Variants in RNF216 observed in about 807,000 individuals in gnomAD.
The protein encoded by RNF216 is E3 ubiquitin-protein ligase RNF216.
Under a neutral mutation model 110.8 loss-of-function variants are expected in RNF216, and 72 were observed. The observed-to-expected ratio is 0.65, with a 90% CI of 0.54 to 0.79. The LOEUF (loss-of-function observed/expected upper bound fraction) is 0.79. Among genes scored for constraint, RNF216 ranks in the 30% least tolerant of loss-of-function variants. RNF216 has a pLI of 0.00. For synonymous variants in RNF216, 495 were observed against 407.5 expected, an observed-to-expected ratio of 1.21 and a Z score of -2.59; for missense variants, 1,342 against 1,141.2, an observed-to-expected ratio of 1.18 and a Z score of -2.54.
chr7:5,732,834 G>A (rs1409273822), intron 5 of RNF216: 1 of 152,232 alleles, frequency 6.6e-6, no homozygotes, highest in Non-Finnish European at 1.5e-5. Context: ...AGCAGTTCTA[G>A]AGAAGTCACT....
chr7:5,688,162 G>A (rs987705938), intron 13 of RNF216, among the ~76,000 whole-genome samples: 3 of 152,156 alleles, frequency 2.0e-5, no homozygotes, highest in Admixed American at 6.5e-5. Flanking sequence ...TTCACGCACA[G>A]AACTGTGTAA....
rs1171766763 is a variant in RNF216, at chr7:5,712,772, T to C, written c.1925A>G (p.Tyr642Cys). The change falls in exon 12 of 17, where the codon TAC becomes TGC. Residue 642 changes from tyrosine to cysteine, a missense_variant. Tyr to Cys is a radical substitution (Grantham distance 194, BLOSUM62 -2). Coordinates refer to ENST00000389902, the MANE Select transcript of RNF216 (RefSeq NM_207111.4). ...CTCCTCCTCGGCTTTTCGCTCATAGTACTTATACAGGATGGTCTGGGGGAG... is the reference window on the plus strand; with the variant it reads ...CTCCTCCTCGGCTTTTCGCTCATAGCACTTATACAGGATGGTCTGGGGGAG... ...KVLPQTILYK[Y>C]YERKAEEEVA... 1 of 1,614,098 alleles carries C rather than the reference T, an allele frequency of 6.2e-7. No individual in the cohort carries two copies. Among genetic ancestry groups the C allele is most frequent in the Non-Finnish European group, 8.5e-7 (1 of 1,180,020 alleles).
At chr7:5,701,545 A>G (rs1418820347) in intron 13 of RNF216, among the ~76,000 whole-genome samples, 3 of 152,232 alleles carry the variant, frequency 2.0e-5, no homozygotes, top group Admixed American at 2.0e-4. Context: ...TTTGCACAAA[A>G]GCTCTACGAG....
chr7:5,694,204 G>A (rs766315927), intron 13 of RNF216, among the ~76,000 whole-genome samples: 1 of 152,140 alleles, frequency 6.6e-6, no homozygotes, highest in Non-Finnish European at 1.5e-5. Context: ...ATTTTAGGAC[G>A]GCCTACTCAA....
intron 5 of RNF216, among the ~76,000 whole-genome samples, chr7:5,736,868 G>A (rs1187534108): frequency 1.3e-5 from 2 of 151,400 alleles, no homozygotes; most frequent in African/African-American, 4.9e-5. Flanking sequence ...GAGAAGTGAG[G>A]AGCCCCTCCG....
intron 15 of RNF216, among the ~76,000 whole-genome samples, chr7:5,640,746 T>C (rs981465444): frequency 6.6e-6 from 1 of 152,250 alleles, no homozygotes; most frequent in Non-Finnish European, 1.5e-5. Flanking sequence ...TAATATTTTA[T>C]TTACATAATT....
chr7:5,686,262 TCCAAACTCTCAAGAACA>T (rs932558911), intron 13 of RNF216, among the ~76,000 whole-genome samples: 22 of 146,204 alleles, frequency 1.5e-4, no homozygotes, highest in Non-Finnish European at 3.0e-5. Context: ...AGCGTGCTTC[TCCAAACTCTCAAGAACA>T]CCACTGCTGC....
At chr7:5,707,781 C>A (rs369865768) in intron 13 of RNF216, among the ~76,000 whole-genome samples, 1 of 138,844 alleles carries the variant, frequency 7.2e-6, no homozygotes, top group Non-Finnish European at 1.5e-5. Flanking sequence ...TGGAGTACAG[C>A]GGCACAATCT....
chr7:5,633,054 A>C (rs1031349892), intron 15 of RNF216, among the ~76,000 whole-genome samples: 2 of 151,544 alleles, frequency 1.3e-5, no homozygotes, highest in Non-Finnish European at 2.9e-5. Flanking sequence ...ATCTCTGCTC[A>C]CTGCAACCTC....
At chr7:5,694,624 CCAAAGG>C (rs1207426931) in intron 13 of RNF216, among the ~76,000 whole-genome samples, 19 of 152,214 alleles carry the variant, frequency 1.2e-4, no homozygotes, top group African/African-American at 4.3e-4. Context: ...GGGCTCCAAG[CCAAAGG>C]ATGAGGCCCA....
chr7:5,643,123 A>G (rs1383230111), intron 14 of RNF216, among the ~76,000 whole-genome samples: 1 of 152,194 alleles, frequency 6.6e-6, no homozygotes, highest in Non-Finnish European at 1.5e-5. Context: ...TACATAAAGC[A>G]TGCCTGCAAC....
rs1258995919 is a variant in RNF216 at position 5,729,612 on chromosome 7, A to C, written c.1225-16T>G. ...TTTTAGGCAACTGAAATGAGAGAGA[A>C]GCATAAAATCAGAGGCCAGGCAGTA... On this transcript the variant is annotated splice_polypyrimidine_tract_variant and intron_variant, in intron 6 of 16. Transcript: ENST00000389902. 27 of 1,610,174 alleles carry C rather than the reference A, an allele frequency of 1.7e-5. No homozygotes were observed. The highest frequency in any genetic ancestry group is 2.1e-5 in the Non-Finnish European group (25 of 1,176,632).
At chr7:5,735,311 C>G (rs764552138) in intron 5 of RNF216, among the ~76,000 whole-genome samples, 1 of 152,008 alleles carries the variant, frequency 6.6e-6, no homozygotes, top group Admixed American at 6.6e-5. Context: ...AGCTTAGAGT[C>G]AAATTTAGAA....
chr7:5,716,637 C>A (rs942932601), intron 10 of RNF216, 79 bp downstream of exon 10: 1 of 1,248,070 alleles, frequency 8.0e-7, no homozygotes, highest in Non-Finnish European at 1.1e-6. Context: ...AATTTGCCAT[C>A]AAAAATGCTG....
intron 3 of RNF216, among the ~76,000 whole-genome samples, chr7:5,743,742 C>G (rs1399041622): frequency 6.6e-6 from 1 of 152,198 alleles, no homozygotes; most frequent in East Asian, 1.9e-4. Context: ...TCTGGGAAGT[C>G]CCTAGAAGAA....
At chr7:5,631,679 AT>A (rs1185637520) in intron 15 of RNF216, among the ~76,000 whole-genome samples, 1 of 151,018 alleles carries the variant, frequency 6.6e-6, no homozygotes, top group African/African-American at 2.5e-5. Context: ...AAAAAAAAAA[AT>A]GCCATTATTT....
chr7:5,755,288 A>C (rs992015344), intron 2 of RNF216, among the ~76,000 whole-genome samples: 2 of 152,122 alleles, frequency 1.3e-5, no homozygotes, highest in Non-Finnish European at 2.9e-5. Flanking sequence ...CTTATAATAA[A>C]GTCCAGTGTT....
intron 10 of RNF216, among the ~76,000 whole-genome samples, chr7:5,715,736 CTTTT>C (rs58929486): frequency 8.8e-6 from 1 of 113,832 alleles, no homozygotes; most frequent in Admixed American, 9.1e-5. Context: ...CCAACTCATT[CTTTT>C]TTTTTTTTTT....
At chr7:5,681,847 T>C (rs1236121564) in intron 13 of RNF216, among the ~76,000 whole-genome samples, 1 of 152,016 alleles carries the variant, frequency 6.6e-6, no homozygotes. Flanking sequence ...GGATAGGAGG[T>C]GAAAAGGCCA....
Sources: allele counts gnomAD v4.1 joint callset (sites outside exome capture counted in the v4.1 genomes callset), GRCh38; gene constraint gnomAD v4.1.1; transcripts MANE v1.5; gene names NCBI Gene and HGNC (gene_info 2026-07-23, HGNC 2026-07-21).